The following PRKCE variants were observed in gnomAD, a reference collection of about 807,000 sequenced individuals.
PRKCE encodes protein kinase C epsilon type.
In PRKCE, 16 loss-of-function variants were observed where a neutral mutation model predicts 85.4. That is an observed-to-expected ratio of 0.19 (90% CI 0.13 to 0.28). The LOEUF is 0.28. Ranked by LOEUF, PRKCE falls within the 10% of genes least tolerant of loss-of-function variation. The pLI is 1.00. For missense variants in PRKCE, 573 were observed against 975.2 expected, an observed-to-expected ratio of 0.59 and a Z score of 5.49; for synonymous variants, 388 against 371.5, an observed-to-expected ratio of 1.04 and a Z score of -0.51.
At chr2:45,883,141 C>T (rs1695005279) in intron 2 of PRKCE, among the ~76,000 whole-genome samples, 1 of 152,242 alleles carries the variant, frequency 6.6e-6, no homozygotes, top group Non-Finnish European at 1.5e-5. Context: ...TGCAGCCAGC[C>T]ATTCTGTATA....
intron 10 of PRKCE, among the ~76,000 whole-genome samples, chr2:46,069,384 G>A (rs1484681084): frequency 2.0e-5 from 3 of 151,788 alleles, no homozygotes; most frequent in Non-Finnish European, 4.4e-5. Context: ...TCTAAAATAT[G>A]TTTCTGTAAG....
intron 1 of PRKCE, among the ~76,000 whole-genome samples, 166 bp from the exon 2 acceptor site, chr2:45,842,834 A>G (rs935631638): frequency 5.3e-5 from 8 of 152,212 alleles, no homozygotes; most frequent in African/African-American, 1.4e-4. Flanking sequence ...GGTATGCATC[A>G]GTCCTCCCAG....
At position 46,159,931 on chromosome 2, in the gene PRKCE, T is replaced by A; in HGVS notation, c.2067+179T>A. Reference sequence around the variant, plus strand: ...TCTTTAGGCCCCAAGTGTTTACTATTGAAAACATGTAACCTACTACAGCAG... The same window carrying A: ...TCTTTAGGCCCCAAGTGTTTACTATAGAAAACATGTAACCTACTACAGCAG... On this transcript the variant is annotated intron_variant, in intron 14 of 14. Coordinates refer to ENST00000306156, the MANE Select transcript of PRKCE (RefSeq NM_005400.3). This position sits in a 1 kb window ranked among gnomAD's most constrained non-coding sequence, Gnocchi z 4.1. 3.0e-6 allele frequency: 2 copies of A among 671,714 alleles called. No homozygotes were observed. The highest frequency in any genetic ancestry group is 2.3e-6 in the Non-Finnish European group (1 of 427,528). The allele number at this position is 671,714 out of a possible 1,614,324, so 41.6% of individuals were successfully genotyped here. A position where few individuals can be genotyped will look rare whatever the true frequency, so the allele number is the denominator to read the frequency against.
intron 10 of PRKCE, among the ~76,000 whole-genome samples, chr2:46,084,551 A>G (rs998200227): frequency 1.1e-4 from 16 of 151,918 alleles, no homozygotes; most frequent in Non-Finnish European, 2.2e-4. Context: ...GTGAAACGCC[A>G]TCTCTACTAA....
At chr2:46,079,136 A>G (rs1020868867) in intron 10 of PRKCE, among the ~76,000 whole-genome samples, 1 of 147,894 alleles carries the variant, frequency 6.8e-6, no homozygotes, top group East Asian at 2.0e-4. Context: ...AGATCATGCC[A>G]CTGCACTCCA....
intron 6 of PRKCE, among the ~76,000 whole-genome samples, chr2:45,988,351 CTG>C (rs1703506224): frequency 6.6e-6 from 1 of 152,240 alleles, no homozygotes; most frequent in East Asian, 1.9e-4. Flanking sequence ...CAGTCTAAAA[CTG>C]TCTGAGCCAC....
intron 1 of PRKCE, among the ~76,000 whole-genome samples, chr2:45,814,211 T>C (rs1688856698): frequency 6.6e-6 from 1 of 152,124 alleles, no homozygotes; most frequent in Admixed American, 6.5e-5. Context: ...TGAGAAAAAT[T>C]TTGAAGCCAG....
intron 2 of PRKCE, among the ~76,000 whole-genome samples, chr2:45,932,772 A>G (rs1206570598): frequency 6.6e-6 from 1 of 152,150 alleles, no homozygotes; most frequent in Non-Finnish European, 1.5e-5. Context: ...TTCCGTACCC[A>G]CGAAACACTA....
At chr2:45,857,575 G>C (rs11902401) in intron 2 of PRKCE, among the ~76,000 whole-genome samples, 4,954 of 152,142 alleles carry the variant, frequency 0.033, 285 homozygotes, top group African/African-American at 0.11. Context: ...GGATTGATTG[G>C]TTTGTTTATT....
At chr2:46,085,578 T>A (rs1298874091) in intron 10 of PRKCE, among the ~76,000 whole-genome samples, 1 of 115,532 alleles carries the variant, frequency 8.7e-6, no homozygotes, top group Non-Finnish European at 1.8e-5. Context: ...CACTCCAATC[T>A]CTGCCTCTGT....
chr2:46,036,918 G>A (rs1707899863), intron 10 of PRKCE, among the ~76,000 whole-genome samples: 1 of 152,198 alleles, frequency 6.6e-6, no homozygotes, highest in Non-Finnish European at 1.5e-5. Flanking sequence ...AAAACCAGTG[G>A]AAGCCTGGCT....
At chr2:45,748,006 C>T (rs888477315) in intron 1 of PRKCE, among the ~76,000 whole-genome samples, 7 of 152,160 alleles carry the variant, frequency 4.6e-5, no homozygotes, top group African/African-American at 1.4e-4. Flanking sequence ...TTTGCCCATA[C>T]TTACATCTGG....
intron 1 of PRKCE, among the ~76,000 whole-genome samples, chr2:45,731,617 A>ATTTTTT (rs11329717): frequency 3.7e-5 from 4 of 108,582 alleles, no homozygotes; most frequent in African/African-American, 3.5e-5. Flanking sequence ...AATTCCTGGA[A>ATTTTTT]TTTTTTTTTT....
chr2:46,184,855 T>A lies in PRKCE; in HGVS notation c.2188T>A (p.Tyr730Asn). The change falls in exon 15 of 15, where the codon TAC becomes AAC. Residue 730 changes from tyrosine to asparagine, a missense_variant. Tyr to Asn is a moderately radical substitution (Grantham distance 143). Transcript: ENST00000306156. This position sits in a 1 kb window ranked among gnomAD's most constrained non-coding sequence, Gnocchi z 5.0. ...INQEEFKGFS[Y>N]FGEDLMP ...CCAGGAGGAATTCAAAGGTTTCTCC[T>A]ACTTTGGTGAAGACCTGATGCCCTG... 1 of 1,599,802 alleles carries A rather than the reference T, an allele frequency of 6.3e-7. No homozygotes were observed. The highest frequency in any genetic ancestry group is 8.5e-7 in the Non-Finnish European group (1 of 1,179,958).
At position 45,895,483 on chromosome 2, in the gene PRKCE, A is replaced by G. The variant is rs1024702722; in HGVS notation, c.412+52420A>G. Among the ~76,000 whole-genome samples the G allele has an allele frequency of 6.6e-6, 1 of 152,246 alleles. No individual in the cohort carries two copies. Among genetic ancestry groups the G allele is most frequent in the African/African-American group, 2.4e-5 (1 of 41,466 alleles). On this transcript the variant is annotated intron_variant, in intron 2 of 14. Coordinates refer to ENST00000306156, the MANE Select transcript of PRKCE (RefSeq NM_005400.3). This position sits in a 1 kb window ranked among gnomAD's most constrained non-coding sequence, Gnocchi z 4.8. The stretch of plus-strand genomic sequence containing the variant: ...GATACATGGTACAGCCACCCAAGGC[A>G]TGGCAGCCATGTGGTGATTTAAAAA...
chr2:45,860,169 G>A (rs544863286), intron 2 of PRKCE, among the ~76,000 whole-genome samples: 1 of 152,320 alleles, frequency 6.6e-6, no homozygotes, highest in Non-Finnish European at 1.5e-5. Flanking sequence ...CAGCAAGCTG[G>A]AATAGTGCCT....
chr2:45,724,886 A>G (rs1459185607), intron 1 of PRKCE, among the ~76,000 whole-genome samples: 1 of 152,232 alleles, frequency 6.6e-6, no homozygotes, highest in African/African-American at 2.4e-5. Flanking sequence ...CCATAACATA[A>G]AAGTGCAAGG....
chr2:45,673,386 G>A (rs1444681575), intron 1 of PRKCE, among the ~76,000 whole-genome samples: 1 of 152,142 alleles, frequency 6.6e-6, no homozygotes, highest in Non-Finnish European at 1.5e-5. Context: ...TACAGCCTTC[G>A]ATAGGCTATT....
Position 45,818,855 on chromosome 2 carries a change from G to A in PRKCE, c.349-24145G>A, listed in dbSNP as rs544662429. Among the ~76,000 whole-genome samples, 7 of 152,312 alleles carry A rather than the reference G, an allele frequency of 4.6e-5. No homozygotes were observed. In the South Asian group the frequency reaches 6.2e-4, roughly 14 times the overall value. On this transcript the variant is annotated intron_variant, in intron 1 of 14. Coordinates refer to ENST00000306156, the MANE Select transcript of PRKCE (RefSeq NM_005400.3). ...TGCAAACACTCTTGCATTTGCCACCGAGTGTATCTAATAGCTTGCAAGAAT... is the reference window on the plus strand; with the variant it reads ...TGCAAACACTCTTGCATTTGCCACCAAGTGTATCTAATAGCTTGCAAGAAT...
Sources: gnomAD v4.1 joint callset for allele counts (sites outside exome capture counted in the v4.1 genomes callset) on GRCh38, gnomAD v4.1.1 for gene constraint, Gnocchi (gnomAD v3.1) non-coding constraint, MANE v1.5 for transcripts, NCBI Gene and HGNC (gene_info 2026-07-23, HGNC 2026-07-21) for gene names.